Variants in NFIC observed in about 807,000 individuals in gnomAD.
NFIC encodes the protein nuclear factor I C, also known as nuclear factor 1 C-type.
A neutral mutation model predicts 54.4 loss-of-function variants in NFIC; 12 were observed. That is an observed-to-expected ratio of 0.22 (90% CI 0.14 to 0.36). NFIC has a LOEUF of 0.36. Among genes scored for constraint, NFIC ranks in the 10% least tolerant of loss-of-function variants. The pLI, the probability that NFIC is intolerant of heterozygous loss-of-function variation, is 1.00. For missense variants in NFIC, 575 were observed against 718.2 expected (o/e 0.80, Z 2.28); for synonymous variants, 322 against 319.2 (o/e 1.01, Z -0.09).
Position 3,435,164 on chromosome 19 carries a change from G to C in NFIC, c.915G>C (p.Ser305=), listed in dbSNP as rs757746010. 1.2e-6 allele frequency: 2 copies of C among 1,605,300 alleles called. No homozygotes were observed. Among genetic ancestry groups the C allele is most frequent in the Admixed American group, 3.4e-5 (2 of 58,558 alleles). ...PGGDYYTSPS[S]PTSSSRNWTE... is the part of the protein sequence containing the mutation. Reference sequence around the variant, plus strand: ...GCGATTACTACACTTCGCCCAGCTCGCCCACGAGTAGCAGCCGCAACTGGA... The same window carrying C: ...GCGATTACTACACTTCGCCCAGCTCCCCCACGAGTAGCAGCCGCAACTGGA... Residue 305 remains serine, a synonymous_variant, in exon 6 of 11, where the codon TCG becomes TCC. Coordinates refer to ENST00000443272, the MANE Select transcript of NFIC (RefSeq NM_001245002.2).
intron 2 of NFIC, among the ~76,000 whole-genome samples, chr19:3,404,585 G>T (rs144017950): frequency 6.6e-6 from 1 of 151,808 alleles, no homozygotes; most frequent in Non-Finnish European, 1.5e-5. Flanking sequence ...CCTTCTCCTG[G>T]TGTCCCCCCA....
At chr19:3,420,252 T>G (rs572550224) in intron 2 of NFIC, among the ~76,000 whole-genome samples, 30 of 152,116 alleles carry the variant, frequency 2.0e-4, no homozygotes, top group Admixed American at 1.7e-3. Context: ...GCTCAGGAGT[T>G]CAAGACTGCA....
chr19:3,388,835 C>CT (rs550767522), intron 2 of NFIC, among the ~76,000 whole-genome samples: 131 of 77,192 alleles, frequency 1.7e-3, no homozygotes, highest in African/African-American at 0.014. Context: ...CTCTAAAAAC[C>CT]GTTTTTTTTA....
chr19:3,434,175 T>TCC (rs1406042731), intron 4 of NFIC, 102 bp from the exon 5 acceptor site: 66 of 1,460,094 alleles, frequency 4.5e-5, no homozygotes, highest in African/African-American at 2.8e-5. Flanking sequence ...GGGAAGGGGG[T>TCC]CCCCCTTTGG....
rs1335634031 is a variant in NFIC at position 3,458,651 on chromosome 19, G to A, written c.1509+2016G>A. On this transcript the variant is annotated intron_variant, in intron 10 of 10. Transcript: ENST00000443272. The surrounding 1 kb of genome is among the most constrained non-coding windows in gnomAD (Gnocchi z 4.1). ...GGGGTGTGGGGGGGCACTGGCAAGG[G>A]GCTCAGCATAGGCAATGGTGTGGGT... is the stretch of plus-strand genomic sequence containing the variant. Among the ~76,000 whole-genome samples the A allele has an allele frequency of 4.0e-5, 6 of 151,800 alleles. No homozygotes were observed. The highest frequency in any genetic ancestry group is 1.5e-4 in the African/African-American group (6 of 41,334).
In NFIC at chr19:3,464,526, G is replaced by GGGGCCCC; in HGVS notation, c.*1757_*1758insGGGCCCC. 2 of 935,200 alleles carry GGGGCCCC rather than the reference G, an allele frequency of 2.1e-6. No individual in the cohort carries two copies. The highest frequency in any genetic ancestry group is 2.5e-6 in the Non-Finnish European group (2 of 799,370). 57.9% of individuals were successfully genotyped at this position (935,200 alleles called of 1,614,324 possible). A position where few individuals can be genotyped will look rare whatever the true frequency, so the allele number is the denominator to read the frequency against. On this transcript the variant is annotated 3_prime_UTR_variant, in exon 11 of 11. Transcript: ENST00000443272. ...GCTCAAACACAAGGACCCCTCCCCGGCCCACCCAGCCCAGCCCCAACTGAC... is the reference window on the plus strand; with the variant it reads ...GCTCAAACACAAGGACCCCTCCCCGGGGGCCCCCCCACCCAGCCCAGCCCCAACTGAC...
At chr19:3,433,848 C>T (rs2082158340) in intron 4 of NFIC, among the ~76,000 whole-genome samples, 1 of 152,180 alleles carries the variant, frequency 6.6e-6, no homozygotes, top group African/African-American at 2.4e-5. Context: ...ATCCCTCCTC[C>T]TCCCTGGGGC....
At chr19:3,448,517 G>A (rs2082406349) in intron 6 of NFIC, among the ~76,000 whole-genome samples, 1 of 152,156 alleles carries the variant, frequency 6.6e-6, no homozygotes, top group East Asian at 1.9e-4. Context: ...CACTGCAGAG[G>A]GGGGATGCAC....
At chr19:3,448,899 T>C in intron 6 of NFIC, 115 bp from the exon 7 acceptor site, 1 of 1,450,014 alleles carries the variant, frequency 6.9e-7, no homozygotes, top group Non-Finnish European at 9.3e-7. Context: ...GATTCTGGGG[T>C]AAGAGGAGGC....
At chr19:3,381,406 A>G (rs2081204572) in intron 1 of NFIC, among the ~76,000 whole-genome samples, 2 of 151,884 alleles carry the variant, frequency 1.3e-5, no homozygotes, top group South Asian at 4.1e-4. Context: ...AAAAAAAAAA[A>G]AAAAAAAAAT....
intron 2 of NFIC, among the ~76,000 whole-genome samples, chr19:3,410,023 C>T (rs2345365): frequency 0.35 from 52,547 of 151,048 alleles, 9,872 homozygotes; most frequent in East Asian, 0.71. Context: ...GCCTGGGCAA[C>T]ATAGCGAGAC....
rs713043 is a variant in NFIC, at chr19:3,465,120, T to C, written c.*2351T>C. 47,707 of 134,984 alleles carry C rather than the reference T, an allele frequency of 0.35. 12,394 individuals are homozygous for C. Among genetic ancestry groups the C allele is most frequent in the African/African-American group, 0.75 (25,891 of 34,682 alleles). 8.4% of individuals were successfully genotyped at this position (134,984 alleles called of 1,614,324 possible). On this transcript the variant is annotated 3_prime_UTR_variant, in exon 11 of 11. Transcript: ENST00000443272. ...ACTATCCCTGGCTCTATCTCCCTGT[T>C]CCTCGCCCCCTCCACCCCCCACTTC... is the stretch of plus-strand genomic sequence containing the variant.
At chr19:3,374,843 C>G (rs1271779856) in intron 1 of NFIC, among the ~76,000 whole-genome samples, 1 of 152,158 alleles carries the variant, frequency 6.6e-6, no homozygotes, top group Non-Finnish European at 1.5e-5. Flanking sequence ...CTGCCTCTCA[C>G]GTGGTCTGAT....
At chr19:3,435,429 A>G (rs1383608763) in intron 6 of NFIC, among the ~76,000 whole-genome samples, 2 of 152,194 alleles carry the variant, frequency 1.3e-5, no homozygotes, top group Admixed American at 1.3e-4. Flanking sequence ...GAAGGAGGGC[A>G]GAGACTGTCC....
At chr19:3,359,732 G>A (rs1318223969) in intron 1 of NFIC, 5 of 1,407,980 alleles carry the variant, frequency 3.6e-6, no homozygotes, top group East Asian at 3.1e-5. Context: ...ACTTTTTGGG[G>A]TGGTGCGTGG....
chr19:3,422,465 C>A (rs11671688), intron 2 of NFIC, among the ~76,000 whole-genome samples: 103,117 of 150,500 alleles, frequency 0.69, 38,482 homozygotes, highest in East Asian at 0.93. Flanking sequence ...CGCCTGTAAT[C>A]CCAGCACTTT....
intron 2 of NFIC, among the ~76,000 whole-genome samples, chr19:3,383,386 C>A (rs1261361895): frequency 6.6e-6 from 1 of 152,128 alleles, no homozygotes; most frequent in African/African-American, 2.4e-5. Context: ...CAAGGAGATG[C>A]CCCAGGGGTC....
intron 1 of NFIC, among the ~76,000 whole-genome samples, chr19:3,379,622 A>G (rs1346468847): frequency 6.6e-6 from 1 of 150,892 alleles, no homozygotes; most frequent in Non-Finnish European, 1.5e-5. Context: ...CTGGGATTAC[A>G]GGCGTGAGCC....
chr19:3,429,132 A>AC (rs1322939958), intron 3 of NFIC, among the ~76,000 whole-genome samples: 3 of 67,384 alleles, frequency 4.5e-5, no homozygotes, highest in African/African-American at 2.0e-4. Context: ...CCAAAAAAAA[A>AC]ATATACACAC....
Sources: gnomAD v4.1 joint callset for allele counts (sites outside exome capture counted in the v4.1 genomes callset) on GRCh38, gnomAD v4.1.1 for gene constraint, Gnocchi (gnomAD v3.1) non-coding constraint, MANE v1.5 for transcripts, NCBI Gene and HGNC (gene_info 2026-07-23, HGNC 2026-07-21) for gene names.